SH3GLB2: variants seen among roughly 807,000 people sequenced by gnomAD.
SH3GLB2 encodes SH3 domain containing GRB2 like, endophilin B2.
In SH3GLB2, 24 loss-of-function variants were observed where a neutral mutation model predicts 48.0. The observed-to-expected ratio is 0.50, with a 90% CI of 0.36 to 0.70. The LOEUF is 0.70. SH3GLB2 is among the 30% of genes least tolerant of loss of function. The pLI is 0.00. For synonymous variants in SH3GLB2, 227 were observed against 207.6 expected (o/e 1.09, Z -0.80); for missense variants, 425 against 516.0 (o/e 0.82, Z 1.71).
chr9:129,010,546 G>A (rs1461162966), intron 7 of SH3GLB2, 124 bp downstream of exon 7: 1 of 1,122,084 alleles, frequency 8.9e-7, no homozygotes, highest in East Asian at 2.4e-5. Flanking sequence ...GGGAGGGAAA[G>A]CAGTAACCCC....
At chr9:129,023,018 A>G (rs1056878055) in intron 1 of SH3GLB2, among the ~76,000 whole-genome samples, 1 of 152,164 alleles carries the variant, frequency 6.6e-6, no homozygotes, top group Non-Finnish European at 1.5e-5. Context: ...CCTGAGCTGA[A>G]AAAAGGGAAT....
intron 5 of SH3GLB2, chr9:129,012,849 TC>T (rs1252806828): frequency 5.9e-5 from 49 of 831,716 alleles, no homozygotes; most frequent in Admixed American, 8.3e-5. Context: ...ACGCCTGGCA[TC>T]CCCCCCTAAA....
chr9:129,013,674 G>A (rs1402215606), intron 5 of SH3GLB2: 1 of 186,650 alleles, frequency 5.4e-6, no homozygotes, highest in African/African-American at 2.4e-5. Context: ...CTAATCAGCT[G>A]GCAGCCACAG....
intron 1 of SH3GLB2, among the ~76,000 whole-genome samples, chr9:129,025,415 A>T (rs1844090780): frequency 6.6e-6 from 1 of 151,482 alleles, no homozygotes; most frequent in Non-Finnish European, 1.5e-5. Context: ...ACAAAAAAAA[A>T]ATTAGCCAGG....
chr9:129,020,836 C>G (rs915086266), intron 3 of SH3GLB2, among the ~76,000 whole-genome samples: 11 of 151,932 alleles, frequency 7.2e-5, no homozygotes, highest in Non-Finnish European at 1.0e-4. Flanking sequence ...CGCCACTGCA[C>G]TCTAGCCTGG....
intron 9 of SH3GLB2, 181 bp downstream of exon 9, chr9:129,009,590 G>A (rs918867050): frequency 2.2e-5 from 33 of 1,505,464 alleles, no homozygotes; most frequent in Middle Eastern, 2.3e-4. Context: ...GGACTTGGCC[G>A]TCAGTAAGGC....
intron 7 of SH3GLB2, 131 bp downstream of exon 7, chr9:129,010,539 A>AG: frequency 9.7e-7 from 1 of 1,030,944 alleles, no homozygotes; most frequent in Non-Finnish European, 1.5e-6. Flanking sequence ...AGGCCCAGGG[A>AG]GGGAAAGCAG....
rs760985071 is a variant in SH3GLB2, at chr9:129,008,764, T to C, written c.1108A>G (p.Met370Val). The C allele has an allele frequency of 3.7e-6, 6 of 1,613,972 alleles. No homozygotes were observed. The highest frequency in any genetic ancestry group is 2.5e-6 in the Non-Finnish European group (3 of 1,179,982). ...ELITVYSLPG[M>V]DPDWLIGERG... ...TCGCCAATGAGCCAGTCAGGGTCCA[T>C]GCCAGGCAGGCTGTAGACAGTGATG... Residue 370 changes from methionine (M) to valine (V), a missense_variant, in exon 11 of 11, where the codon ATG (methionine) becomes GTG (valine). Coordinates refer to ENST00000372564, the MANE Select transcript of SH3GLB2 (RefSeq NM_020145.4).
chr9:129,023,714 A>G (rs911589482), intron 1 of SH3GLB2, among the ~76,000 whole-genome samples: 3 of 152,124 alleles, frequency 2.0e-5, no homozygotes, highest in South Asian at 2.1e-4. Flanking sequence ...CCAGGAGCTC[A>G]GCAGCCATCA....
intron 8 of SH3GLB2, 113 bp from the exon 9 acceptor site, chr9:129,009,984 C>T: frequency 7.4e-7 from 1 of 1,354,790 alleles, no homozygotes; most frequent in Non-Finnish European, 1.0e-6. Flanking sequence ...GGGTGCCCTG[C>T]CCCTGCGCCC....
chr9:129,023,943 G>T (rs534117768), intron 1 of SH3GLB2, among the ~76,000 whole-genome samples: 2 of 152,294 alleles, frequency 1.3e-5, no homozygotes, highest in South Asian at 4.1e-4. Context: ...AGTCCTTTGA[G>T]GGGGGTGGCG....
rs561034972 is a variant in SH3GLB2 at position 129,014,993 on chromosome 9, G to C, written c.335-89C>G. On this transcript the variant is annotated intron_variant, in intron 3 of 10. Coordinates refer to ENST00000372564, the MANE Select transcript of SH3GLB2 (RefSeq NM_020145.4). The surrounding 1 kb of genome is among the most constrained non-coding windows in gnomAD (Gnocchi z 4.1). ...GAGGGCTCAGGAAGAGCTTGCTGAA[G>C]AGCAAGGGCCGGGGTGCTCAGTGCA... is the stretch of plus-strand genomic sequence containing the variant. The C allele has an allele frequency of 1.5e-4, 231 of 1,521,740 alleles. No individual in the cohort carries two copies. The South Asian group carries it at 2.7e-3, about 18-fold the overall frequency. 94.3% of individuals were successfully genotyped at this position (1,521,740 alleles called of 1,614,324 possible). A position where few individuals can be genotyped will look rare whatever the true frequency, so the allele number is the denominator to read the frequency against.
At position 129,022,509 on chromosome 9, in the gene SH3GLB2, T is replaced by C. The variant is rs1588335828; in HGVS notation, c.64-86A>G. ...TGGTGGGGAAAGGGAGGACTGCCCC[T>C]CCCCACCAGCAGGAACCCAGGCAGG... On this transcript the variant is annotated intron_variant, in intron 1 of 10. Coordinates refer to ENST00000372564, the MANE Select transcript of SH3GLB2 (RefSeq NM_020145.4). 14 of 1,269,372 alleles carry C rather than the reference T, an allele frequency of 1.1e-5. No homozygotes were observed. The East Asian group carries it at 3.4e-4, about 31-fold the overall frequency. The allele number at this position is 1,269,372 out of a possible 1,614,324, so 78.6% of individuals were successfully genotyped here.
chr9:129,021,927 C>A (rs1843829632), intron 2 of SH3GLB2, among the ~76,000 whole-genome samples: 1 of 149,568 alleles, frequency 6.7e-6, no homozygotes, highest in Non-Finnish European at 1.5e-5. Flanking sequence ...CCATTGCACT[C>A]CAGAATGGGT....
chr9:129,008,919 C>G, intron 10 of SH3GLB2, 128 bp from the exon 11 acceptor site: 1 of 1,269,094 alleles, frequency 7.9e-7, no homozygotes. Context: ...GTGGCTGGCG[C>G]TCATCTCACT....
chr9:129,019,934 T>C (rs74431072), intron 3 of SH3GLB2, among the ~76,000 whole-genome samples: 1 of 151,494 alleles, frequency 6.6e-6, no homozygotes, highest in East Asian at 1.9e-4. Context: ...CCGGGTGCGG[T>C]GGCTCATGCC....
intron 7 of SH3GLB2, 29 bp downstream of exon 7, chr9:129,010,641 C>T (rs758942258): frequency 6.8e-6 from 11 of 1,613,376 alleles, no homozygotes; most frequent in Admixed American, 3.3e-5. Context: ...CCTTCTTCCT[C>T]GAGCCCAGCC....
Position 129,014,308 on chromosome 9 carries a change from A to G in SH3GLB2, c.561+103T>C. On this transcript the variant is annotated intron_variant, in intron 5 of 10. Coordinates refer to ENST00000372564, the MANE Select transcript of SH3GLB2 (RefSeq NM_020145.4). This position sits in a 1 kb window ranked among gnomAD's most constrained non-coding sequence, Gnocchi z 4.1. The stretch of plus-strand genomic sequence containing the variant: ...CAGCCAGGCATCTCCAGCCAGGGAG[A>G]GGGGAGAGAGGTCATGCCAAATACC... The G allele has an allele frequency of 9.5e-7, 1 of 1,048,846 alleles. No homozygotes were observed. The highest frequency in any genetic ancestry group is 1.4e-6 in the Non-Finnish European group (1 of 712,384). 65.0% of individuals were successfully genotyped at this position (1,048,846 alleles called of 1,614,324 possible).
At chr9:129,015,303 C>T (rs963599291) in intron 3 of SH3GLB2, among the ~76,000 whole-genome samples, 4 of 151,944 alleles carry the variant, frequency 2.6e-5, no homozygotes, top group Admixed American at 2.0e-4. Flanking sequence ...TCCAGACCAC[C>T]CTGGGCAACA....
Sources: allele counts gnomAD v4.1 joint callset (sites outside exome capture counted in the v4.1 genomes callset), GRCh38; gene constraint gnomAD v4.1.1; non-coding constraint Gnocchi (gnomAD v3.1); transcripts MANE v1.5; gene names NCBI Gene and HGNC (gene_info 2026-07-23, HGNC 2026-07-21).